Variants in PCSK6 observed in about 807,000 individuals in gnomAD.
PCSK6 encodes the protein proprotein convertase subtilisin/kexin type 6, also known as paired basic amino acid cleaving enzyme 4.
Under a neutral mutation model 123.3 loss-of-function variants are expected in PCSK6, and 85 were observed. That is an observed-to-expected ratio of 0.69 (90% CI 0.58 to 0.83). The LOEUF is 0.83. Ranked by LOEUF, PCSK6 falls within the 40% of genes least tolerant of loss-of-function variation. PCSK6 has a pLI of 0.00. For missense variants in PCSK6, 1,191 were observed against 1,282.3 expected (o/e 0.93, Z 1.09); for synonymous variants, 508 against 516.0 (o/e 0.98, Z 0.21).
intron 9 of PCSK6, 103 bp from the exon 10 acceptor site, chr15:101,384,528 C>T: frequency 1.2e-6 from 1 of 813,574 alleles, no homozygotes; most frequent in Non-Finnish European, 2.0e-6. Context: ...GTCTGAACTT[C>T]AGCAAGCCCC....
intron 1 of PCSK6, among the ~76,000 whole-genome samples, chr15:101,456,479 G>A (rs747845479): frequency 3.9e-5 from 6 of 152,164 alleles, no homozygotes; most frequent in Non-Finnish European, 8.8e-5. Flanking sequence ...ACAAATATCT[G>A]GGCAGCTGCT....
intron 4 of PCSK6, 25 bp downstream of exon 4, chr15:101,431,295 A>G: frequency 6.2e-7 from 1 of 1,612,444 alleles, no homozygotes. Flanking sequence ...ATATATTTGC[A>G]TGTCAGTTCC....
chr15:101,438,627 C>A (rs923701660), intron 2 of PCSK6, among the ~76,000 whole-genome samples: 2 of 152,240 alleles, frequency 1.3e-5, no homozygotes, highest in African/African-American at 4.8e-5. Context: ...CATCGCCTCT[C>A]CTCTGGTTCT....
intron 11 of PCSK6, among the ~76,000 whole-genome samples, chr15:101,378,255 G>A (rs561615182): frequency 2.6e-5 from 4 of 152,246 alleles, no homozygotes; most frequent in South Asian, 2.1e-4. Context: ...ATGTACCTTC[G>A]TTTAATTGAC....
chr15:101,326,409 G>C lies in PCSK6; in HGVS notation c.2148C>G (p.Val716=), dbSNP rs565968729. 1 of 1,582,130 alleles carries C rather than the reference G, an allele frequency of 6.3e-7. No individual in the cohort carries two copies. The highest frequency in any genetic ancestry group is 8.6e-7 in the Non-Finnish European group (1 of 1,163,838). ...TCTTGACACTCCCCAGGCTGAAGTG[G>C]ACGCAGTTCAAGCACTGGTCTGCAT... ...GPNADQCLNC[V]HFSLGSVKTS... Residue 716 remains valine (V), a synonymous_variant, in exon 16 of 22, where the codon GTC becomes GTG. Transcript: ENST00000611716.
chr15:101,319,422 A>G (rs1313962159), intron 18 of PCSK6, among the ~76,000 whole-genome samples: 1 of 152,170 alleles, frequency 6.6e-6, no homozygotes, highest in African/African-American at 2.4e-5. Context: ...AAGGAAATAT[A>G]TGTTCGGTCT....
rs374178304 is a variant in PCSK6, at chr15:101,410,289, C to T, written c.824-11713G>A. 9.8e-5 allele frequency among the ~76,000 whole-genome samples: 15 copies of T among 152,298 alleles called. No homozygotes were observed. The East Asian group carries it at 2.3e-3, about 24-fold the overall frequency. Reference sequence around the variant, plus strand: ...AGGGCTTGCCATGAAGCTCAGCCTGCACTCACCTTGGAGGTGAGCTGATGG... The same window carrying T: ...AGGGCTTGCCATGAAGCTCAGCCTGTACTCACCTTGGAGGTGAGCTGATGG... On this transcript the variant is annotated intron_variant, in intron 6 of 21. Coordinates refer to ENST00000611716, the MANE Select transcript of PCSK6 (RefSeq NM_002570.5).
chr15:101,467,714 T>C (rs11247296), intron 1 of PCSK6, among the ~76,000 whole-genome samples: 113,929 of 152,216 alleles, frequency 0.75, 43,309 homozygotes, highest in Non-Finnish European at 0.83. Flanking sequence ...AGCCACACTG[T>C]GGCTAAACCT....
chr15:101,468,332 T>A (rs1243644036), intron 1 of PCSK6, among the ~76,000 whole-genome samples: 2 of 152,170 alleles, frequency 1.3e-5, no homozygotes, highest in African/African-American at 4.8e-5. Context: ...TCCATCTTCA[T>A]ATTCACTGTG....
intron 1 of PCSK6, among the ~76,000 whole-genome samples, chr15:101,469,943 T>A (rs2057564475): frequency 1.3e-5 from 2 of 152,176 alleles, no homozygotes; most frequent in Admixed American, 6.5e-5. Flanking sequence ...TCTCATCCAG[T>A]GCTAATGATA....
chr15:101,374,849 C>T (rs1032686260), intron 11 of PCSK6, among the ~76,000 whole-genome samples: 2 of 152,318 alleles, frequency 1.3e-5, no homozygotes, highest in Middle Eastern at 6.8e-3. Context: ...CCAGGATGCA[C>T]GCTCTCAACA....
At chr15:101,365,188 T>C in intron 13 of PCSK6, 2 of 466,622 alleles carry the variant, frequency 4.3e-6, no homozygotes, top group Non-Finnish European at 7.8e-6. Flanking sequence ...ATAACACTCT[T>C]AAAAGGAAAC....
chr15:101,315,651 G>C (rs1437408880), intron 19 of PCSK6, among the ~76,000 whole-genome samples: 3 of 152,234 alleles, frequency 2.0e-5, no homozygotes, highest in Non-Finnish European at 4.4e-5. Flanking sequence ...GTTTCAAGTA[G>C]TGCCGTCTCA....
intron 8 of PCSK6, among the ~76,000 whole-genome samples, chr15:101,389,860 G>A (rs1418804546): frequency 6.6e-6 from 1 of 152,170 alleles, no homozygotes; most frequent in Non-Finnish European, 1.5e-5. Context: ...AGAAGCGCAT[G>A]TGGAAAAAAT....
chr15:101,434,778 G>A (rs1483028789), intron 2 of PCSK6, among the ~76,000 whole-genome samples: 1 of 144,110 alleles, frequency 6.9e-6, no homozygotes, highest in Non-Finnish European at 1.5e-5. Flanking sequence ...GGCAGACAGC[G>A]CGGTGGCAGA....
At position 101,377,382 on chromosome 15, in the gene PCSK6, G is replaced by C. The variant is rs77989725; in HGVS notation, c.1532+4710C>G. Among the ~76,000 whole-genome samples, 192 of 152,244 alleles carry C rather than the reference G, an allele frequency of 1.3e-3. 4 individuals are homozygous for C. In the East Asian group the frequency reaches 0.025, roughly 20 times the overall value. On this transcript the variant is annotated intron_variant, in intron 11 of 21. Coordinates refer to ENST00000611716, the MANE Select transcript of PCSK6 (RefSeq NM_002570.5). Reference sequence around the variant, plus strand: ...CAGTACCGCCTGAGCTCCTACCTAGGGGGGCAAGGTGGACTCTGGAGACAA... The same window carrying C: ...CAGTACCGCCTGAGCTCCTACCTAGCGGGGCAAGGTGGACTCTGGAGACAA...
At chr15:101,335,190 G>A (rs895141195) in intron 13 of PCSK6, among the ~76,000 whole-genome samples, 1 of 152,166 alleles carries the variant, frequency 6.6e-6, no homozygotes, top group Non-Finnish European at 1.5e-5. Context: ...AAACTCCTGA[G>A]CTCAAGCGAT....
chr15:101,488,148 C>T (rs2058063393), intron 1 of PCSK6, among the ~76,000 whole-genome samples: 1 of 152,194 alleles, frequency 6.6e-6, no homozygotes, highest in Admixed American at 6.5e-5. Context: ...CGCCACCACA[C>T]CTTGCTGGCT....
At chr15:101,349,099 C>G (rs2040824319) in intron 13 of PCSK6, among the ~76,000 whole-genome samples, 1 of 152,194 alleles carries the variant, frequency 6.6e-6, no homozygotes, top group Non-Finnish European at 1.5e-5. Context: ...TGGGATTCCA[C>G]AGAAGCACAG....
Sources: allele counts gnomAD v4.1 joint callset (sites outside exome capture counted in the v4.1 genomes callset), GRCh38; gene constraint gnomAD v4.1.1; transcripts MANE v1.5; gene names NCBI Gene and HGNC (gene_info 2026-07-23, HGNC 2026-07-21).